Variants in KCTD16 observed in about 807,000 individuals in gnomAD.
The protein encoded by KCTD16 is potassium channel tetramerization domain containing 16.
A neutral mutation model predicts 33.2 loss-of-function variants in KCTD16; 13 were observed. That is an observed-to-expected ratio of 0.39 (90% CI 0.25 to 0.62). The LOEUF is 0.62. KCTD16 is among the 20% of genes least tolerant of loss of function. The pLI is 0.50. For synonymous variants in KCTD16, 197 were observed against 195.3 expected (o/e 1.01, Z -0.07); for missense variants, 441 against 525.1 (o/e 0.84, Z 1.57).
chr5:144,327,471 A>G (rs1752240117), intron 3 of KCTD16, among the ~76,000 whole-genome samples: 1 of 152,134 alleles, frequency 6.6e-6, no homozygotes, highest in South Asian at 2.1e-4. Flanking sequence ...TCCTGTTTCC[A>G]TGGTATCCAA....
chr5:144,207,136 A>T lies in KCTD16; in HGVS notation c.422A>T (p.Asp141Val), dbSNP rs1326134727. The T allele has an allele frequency of 1.9e-6, 3 of 1,611,060 alleles. No homozygotes were observed. The South Asian group carries it at 3.3e-5, about 18-fold the overall frequency. ...GAATTCTGCCACAGTGACTTTGAAG[A>T]TGCCTCCCAAGGAAGCGACACAAGA... is the stretch of plus-strand genomic sequence containing the variant. ...PDEFCHSDFE[D>V]ASQGSDTRIC... Residue 141 changes from aspartate to valine, a missense_variant, in exon 3 of 4, where the codon GAT (aspartate) becomes GTT (valine). Around this residue, in one of 3 missense-constraint regions of KCTD16, gnomAD observed 355 missense variants for 413.0 expected, o/e 0.86. Coordinates refer to ENST00000512467, the MANE Select transcript of KCTD16 (RefSeq NM_020768.4).
rs116339266 is a variant in KCTD16 at position 144,251,514 on chromosome 5, G to T, written c.832+43968G>T. 9.8e-3 allele frequency among the ~76,000 whole-genome samples: 1,499 copies of T among 152,258 alleles called. 22 individuals are homozygous for T. The highest frequency in any genetic ancestry group is 0.034 in the African/African-American group (1,409 of 41,554). On this transcript the variant is annotated intron_variant, in intron 3 of 3. Transcript: ENST00000512467. ...CTAAATAGTTGATTTAAAAGTAGCA[G>T]AAACAATAGACAACCTTTTCAATGC...
In KCTD16 at chr5:144,299,128, ATATATATATATATATATATATTT is replaced by A. The variant is rs1347234252; in HGVS notation, c.832+91584_832+91606del. ...TATATATATATATATATATATATAT[ATATATATATATATATATATATTT>A]TTTTTTTTTTTTTTAACCTGTCACT... is the stretch of plus-strand genomic sequence containing the variant. On this transcript the variant is annotated intron_variant, in intron 3 of 3. Transcript: ENST00000512467. Among the ~76,000 whole-genome samples, 19 of 27,414 alleles carry A rather than the reference ATATATATATATATATATATATTT, an allele frequency of 6.9e-4. 3 individuals carry two copies. Among genetic ancestry groups the A allele is most frequent in the East Asian group, 4.7e-3 (3 of 632 alleles). 18.0% of individuals were successfully genotyped at this position (27,414 alleles called of 152,430 possible). A position where few individuals can be genotyped will look rare whatever the true frequency, so the allele number is the denominator to read the frequency against.
chr5:144,414,653 T>C (rs1753006392), intron 3 of KCTD16, among the ~76,000 whole-genome samples: 1 of 152,246 alleles, frequency 6.6e-6, no homozygotes, highest in Non-Finnish European at 1.5e-5. Flanking sequence ...AATTTAAATT[T>C]ATCAAAGTTT....
chr5:144,318,140 C>T (rs1751973742), intron 3 of KCTD16, among the ~76,000 whole-genome samples: 1 of 152,148 alleles, frequency 6.6e-6, no homozygotes, highest in African/African-American at 2.4e-5. Flanking sequence ...AGAAGGGGTC[C>T]TCTTGCGGTG....
chr5:144,401,699 A>G (rs574351825), intron 3 of KCTD16, among the ~76,000 whole-genome samples: 4 of 152,320 alleles, frequency 2.6e-5, no homozygotes, highest in African/African-American at 9.6e-5. Flanking sequence ...TATTCATCCA[A>G]TTACTCACTT....
intron 3 of KCTD16, among the ~76,000 whole-genome samples, chr5:144,383,532 C>T (rs1752260188): frequency 8.2e-6 from 1 of 122,454 alleles, no homozygotes; most frequent in African/African-American, 3.2e-5. Flanking sequence ...CAAAAAGGCC[C>T]TAGAGGGTGA....
chr5:144,481,551 T>C lies in KCTD16; in HGVS notation c.*7437T>C, dbSNP rs2127007779. Reference sequence around the variant, plus strand: ...TTTGTGTCTGAAATGATTTGACATTTTTCTTTTAATGTATCATACCAATAT... The same window carrying C: ...TTTGTGTCTGAAATGATTTGACATTCTTCTTTTAATGTATCATACCAATAT... On this transcript the variant is annotated 3_prime_UTR_variant, in exon 4 of 4. Coordinates refer to ENST00000512467, the MANE Select transcript of KCTD16 (RefSeq NM_020768.4). 6.6e-6 allele frequency: 1 copy of C among 152,136 alleles called. No homozygotes were observed. The highest frequency in any genetic ancestry group is 1.5e-5 in the Non-Finnish European group (1 of 67,928). The allele number at this position is 152,136 out of a possible 1,614,324, so 9.4% of individuals were successfully genotyped here. A position where few individuals can be genotyped will look rare whatever the true frequency, so the allele number is the denominator to read the frequency against.
intron 3 of KCTD16, among the ~76,000 whole-genome samples, chr5:144,464,862 A>C (rs1260625197): frequency 2.0e-5 from 3 of 152,062 alleles, no homozygotes; most frequent in Non-Finnish European, 4.4e-5. Context: ...GTTGGGCCCA[A>C]GTACTGTGAT....
rs541610940 is a variant in KCTD16, at chr5:144,334,803, G to T, written c.832+127257G>T. Among the ~76,000 whole-genome samples, 174 of 152,076 alleles carry T rather than the reference G, an allele frequency of 1.1e-3. 2 individuals carry two copies. The highest frequency in any genetic ancestry group is 5.1e-3 in the Admixed American group (78 of 15,256). On this transcript the variant is annotated intron_variant, in intron 3 of 3. Coordinates refer to ENST00000512467, the MANE Select transcript of KCTD16 (RefSeq NM_020768.4). ...TTTGTTTGTTTTGTTTTTAGACAGGGTCTCACTCTGTCACCCGGGTTGGAG... is the reference window on the plus strand; with the variant it reads ...TTTGTTTGTTTTGTTTTTAGACAGGTTCTCACTCTGTCACCCGGGTTGGAG...
chr5:144,283,408 A>T (rs892686510), intron 3 of KCTD16, among the ~76,000 whole-genome samples: 2 of 152,228 alleles, frequency 1.3e-5, no homozygotes, highest in African/African-American at 4.8e-5. Context: ...ACTCCATCTT[A>T]GTTGGAATAA....
intron 3 of KCTD16, among the ~76,000 whole-genome samples, chr5:144,286,642 C>T (rs1158041778): frequency 6.6e-6 from 1 of 152,160 alleles, no homozygotes; most frequent in Non-Finnish European, 1.5e-5. Context: ...TGACATTCTG[C>T]ATTGTACTTT....
chr5:144,293,617 G>C (rs1224618802), intron 3 of KCTD16, among the ~76,000 whole-genome samples: 3 of 152,102 alleles, frequency 2.0e-5, no homozygotes, highest in Non-Finnish European at 4.4e-5. Context: ...TTCATATTAA[G>C]CAGGGAAGAT....
chr5:144,250,738 C>A (rs1478627926), intron 3 of KCTD16, among the ~76,000 whole-genome samples: 1 of 152,108 alleles, frequency 6.6e-6, no homozygotes, highest in Non-Finnish European at 1.5e-5. Context: ...AGATATTTAA[C>A]CTTGCTAAGC....
chr5:144,361,183 C>T (rs1305587167), intron 3 of KCTD16, among the ~76,000 whole-genome samples: 1 of 151,478 alleles, frequency 6.6e-6, no homozygotes, highest in Admixed American at 6.6e-5. Context: ...CGATAGTTTA[C>T]TGAGAATGAT....
intron 3 of KCTD16, among the ~76,000 whole-genome samples, chr5:144,294,658 A>G (rs1243117230): frequency 6.6e-6 from 1 of 152,164 alleles, no homozygotes; most frequent in Non-Finnish European, 1.5e-5. Context: ...TTGGATTGAA[A>G]GTGAATTTGG....
chr5:144,299,102 A>ATATATATATATATG (rs1756143853), intron 3 of KCTD16, among the ~76,000 whole-genome samples: 1 of 8,230 alleles, frequency 1.2e-4, no homozygotes, highest in African/African-American at 3.2e-4. Context: ...CTATGTATAT[A>ATATATATATATATG]TATATATATA....
intron 3 of KCTD16, among the ~76,000 whole-genome samples, chr5:144,361,626 C>T (rs1453796197): frequency 1.3e-5 from 2 of 152,148 alleles, no homozygotes; most frequent in Non-Finnish European, 2.9e-5. Context: ...TCAGGCTATG[C>T]AATCCTTTTG....
chr5:144,183,904 T>G (rs897199692), intron 2 of KCTD16, among the ~76,000 whole-genome samples: 2 of 152,234 alleles, frequency 1.3e-5, no homozygotes, highest in African/African-American at 4.8e-5. Flanking sequence ...TACATAGTGC[T>G]TGATACTTGA....
Sources: gnomAD v4.1 joint callset for allele counts (sites outside exome capture counted in the v4.1 genomes callset) on GRCh38, gnomAD v4.1.1 for gene constraint, gnomAD v4.1.1 regional missense constraint, MANE v1.5 for transcripts, NCBI Gene and HGNC (gene_info 2026-07-23, HGNC 2026-07-21) for gene names.